The following TEX36 variants were observed in gnomAD, a reference collection of about 807,000 sequenced individuals.
TEX36 encodes the protein testis-expressed protein 36.
Under a neutral mutation model 13.6 loss-of-function variants are expected in TEX36, and 12 were observed. The ratio of observed to expected loss-of-function variants is 0.88; its 90% CI spans 0.56 to 1.43. The LOEUF is 1.43. Among genes scored for constraint, TEX36 ranks in the 40% most tolerant of loss-of-function variants. The probability of loss-of-function intolerance (pLI) is 0.00; values close to 1 mark genes in which losing one functional copy is unlikely to be tolerated. For synonymous variants in TEX36, 93 were observed against 83.0 expected, an observed-to-expected ratio of 1.12 and a Z score of -0.65; for missense variants, 224 against 228.3, an observed-to-expected ratio of 0.98 and a Z score of 0.12.
downstream of TEX36, among the ~76,000 whole-genome samples, chr10:125,651,247 A>G (rs1296532265): frequency 1.3e-5 from 2 of 152,258 alleles, no homozygotes; most frequent in Non-Finnish European, 2.9e-5. Context: ...AAAATCCTCA[A>G]TAAAATGCTG....
chr10:125,626,542 T>C (rs1004344448), intron 3 of TEX36, among the ~76,000 whole-genome samples: 2 of 152,176 alleles, frequency 1.3e-5, no homozygotes, highest in Non-Finnish European at 2.9e-5. Context: ...AGTGAAGATA[T>C]AATGAAGAAA....
At chr10:125,626,897 C>T (rs930284974) in intron 3 of TEX36, among the ~76,000 whole-genome samples, 12 of 152,146 alleles carry the variant, frequency 7.9e-5, no homozygotes, top group African/African-American at 1.7e-4. Context: ...CCCTCCAGCA[C>T]GACCTCCTGG....
intron 3 of TEX36, among the ~76,000 whole-genome samples, chr10:125,658,381 T>C (rs768067650): frequency 2.6e-5 from 4 of 152,052 alleles, no homozygotes; most frequent in Non-Finnish European, 5.9e-5. Context: ...ACAACAAAAA[T>C]TTTTGATGCA....
At chr10:125,668,958 A>G (rs1420338287) in intron 1 of TEX36, among the ~76,000 whole-genome samples, 3 of 152,198 alleles carry the variant, frequency 2.0e-5, no homozygotes, top group African/African-American at 4.8e-5. Context: ...CAGTAGTTCA[A>G]GACCAACCTG....
intron 3 of TEX36, among the ~76,000 whole-genome samples, chr10:125,634,921 A>T (rs1846604725): frequency 6.6e-6 from 1 of 152,208 alleles, no homozygotes; most frequent in Admixed American, 6.5e-5. Context: ...GATGCCTAAC[A>T]TACAAGTGGG....
At chr10:125,590,147 C>A (rs1255878303) in intron 3 of TEX36, among the ~76,000 whole-genome samples, 2 of 152,026 alleles carry the variant, frequency 1.3e-5, no homozygotes, top group Non-Finnish European at 2.9e-5. Flanking sequence ...CAGGCTCTTG[C>A]TCTGTCGCAC....
At chr10:125,600,471 G>A (rs1469303548) in intron 3 of TEX36, among the ~76,000 whole-genome samples, 1 of 152,142 alleles carries the variant, frequency 6.6e-6, no homozygotes, top group Non-Finnish European at 1.5e-5. Context: ...GGACTCCTGA[G>A]CCTGTTGTAC....
chr10:125,592,251 T>G, intron 3 of TEX36, among the ~76,000 whole-genome samples: 1 of 152,128 alleles, frequency 6.6e-6, no homozygotes, highest in Non-Finnish European at 1.5e-5. Flanking sequence ...AAAGCGAGGC[T>G]GGGGGTGGCA....
At chr10:125,607,781 G>A (rs1007163613) in intron 3 of TEX36, among the ~76,000 whole-genome samples, 1 of 151,900 alleles carries the variant, frequency 6.6e-6, no homozygotes, top group Non-Finnish European at 1.5e-5. Context: ...ATATTTACTG[G>A]GTAAGCAAAT....
At chr10:125,652,045 ATT>A (rs1846868190), downstream of TEX36, among the ~76,000 whole-genome samples, 1 of 152,212 alleles carries the variant, frequency 6.6e-6, no homozygotes, top group South Asian at 2.1e-4. Context: ...AAGAATCAAT[ATT>A]GTGAAAACGG....
At chr10:125,601,450 T>A (rs1358781424) in intron 3 of TEX36, among the ~76,000 whole-genome samples, 2 of 152,244 alleles carry the variant, frequency 1.3e-5, no homozygotes, top group African/African-American at 4.8e-5. Context: ...TGCTTGTTTG[T>A]TTGAGTTACA....
chr10:125,632,265 C>T (rs1353967020), intron 3 of TEX36, among the ~76,000 whole-genome samples: 1 of 152,032 alleles, frequency 6.6e-6, no homozygotes, highest in Non-Finnish European at 1.5e-5. Flanking sequence ...TTGATGTGCT[C>T]GTGAGACGTC....
intron 3 of TEX36, among the ~76,000 whole-genome samples, chr10:125,650,110 T>C (rs577188354): frequency 6.6e-6 from 1 of 152,256 alleles, no homozygotes; most frequent in African/African-American, 2.4e-5. Flanking sequence ...CTAACAAGGA[T>C]ACCCAGGAAT....
Position 125,626,231 on chromosome 10 carries a change from T to C in TEX36, c.265-4586A>G, listed in dbSNP as rs1846488206. ...CACGAGCCCTCCCTGGTAAACAACCTGCACACTGAACTCCACCTCAGACTC... is the reference window on the plus strand; with the variant it reads ...CACGAGCCCTCCCTGGTAAACAACCCGCACACTGAACTCCACCTCAGACTC... On this transcript the variant is annotated intron_variant, in intron 3 of 3. Coordinates refer to the TEX36 transcript ENST00000526819. Among the ~76,000 whole-genome samples the C allele has an allele frequency of 2.0e-5, 3 of 152,176 alleles. 1 individual carries two copies. In the South Asian group the frequency reaches 6.2e-4, roughly 32 times the overall value.
At chr10:125,659,782 AATACGAG>A (rs1430019028) in intron 3 of TEX36, among the ~76,000 whole-genome samples, 2 of 152,198 alleles carry the variant, frequency 1.3e-5, no homozygotes, top group Non-Finnish European at 2.9e-5. Flanking sequence ...TGAATACAAT[AATACGAG>A]ATGTTGGTAT....
intron 3 of TEX36, among the ~76,000 whole-genome samples, chr10:125,585,880 G>A (rs145952415): frequency 6.6e-6 from 1 of 152,226 alleles, no homozygotes; most frequent in Non-Finnish European, 1.5e-5. Context: ...CTGTTAAGCT[G>A]TCTTTGTCAG....
chr10:125,657,853 G>C (rs995363424), intron 3 of TEX36, among the ~76,000 whole-genome samples: 1 of 152,060 alleles, frequency 6.6e-6, no homozygotes, highest in Admixed American at 6.6e-5. Flanking sequence ...TTATTCTTGG[G>C]GAAAAGCTAC....
intron 3 of TEX36, among the ~76,000 whole-genome samples, chr10:125,590,292 A>T (rs879282943): frequency 8.6e-5 from 13 of 152,024 alleles, no homozygotes; most frequent in East Asian, 3.9e-4. Flanking sequence ...TAAAAAAAAA[A>T]TTTTTGTAGA....
At chr10:125,595,973 G>T (rs1288815727) in intron 3 of TEX36, among the ~76,000 whole-genome samples, 1 of 152,172 alleles carries the variant, frequency 6.6e-6, no homozygotes, top group Non-Finnish European at 1.5e-5. Flanking sequence ...AACAAAGAAA[G>T]AAATCTCACT....
Sources: gnomAD v4.1 joint callset for allele counts (sites outside exome capture counted in the v4.1 genomes callset) on GRCh38, gnomAD v4.1.1 for gene constraint, MANE v1.5 for transcripts, NCBI Gene and HGNC (gene_info 2026-07-23, HGNC 2026-07-21) for gene names.